The following FOXK2 variants were observed in gnomAD, a reference collection of about 807,000 sequenced individuals.
FOXK2 encodes the protein forkhead box protein K2.
A neutral mutation model predicts 53.3 loss-of-function variants in FOXK2; 24 were observed. The ratio of observed to expected loss-of-function variants is 0.45; its 90% CI spans 0.33 to 0.63. FOXK2 has a LOEUF of 0.63. Ranked by LOEUF, FOXK2 falls within the 30% of genes least tolerant of loss-of-function variation. The pLI is 0.03. For missense variants in FOXK2, 952 were observed against 910.5 expected (o/e 1.05, Z -0.59); for synonymous variants, 505 against 407.1 (o/e 1.24, Z -2.89).
At chr17:82,586,730 T>C (rs939398109) in intron 7 of FOXK2, among the ~76,000 whole-genome samples, 3 of 152,012 alleles carry the variant, frequency 2.0e-5, no homozygotes, top group Admixed American at 6.5e-5. Context: ...GGAGAAACCC[T>C]GTCTCTACTA....
intron 1 of FOXK2, among the ~76,000 whole-genome samples, chr17:82,551,094 G>T (rs932082234): frequency 6.6e-6 from 1 of 151,886 alleles, no homozygotes; most frequent in Non-Finnish European, 1.5e-5. Flanking sequence ...GAGGCGGGCG[G>T]ATCACAAGCT....
chr17:82,565,322 C>T (rs2144118452), intron 2 of FOXK2, among the ~76,000 whole-genome samples: 1 of 152,200 alleles, frequency 6.6e-6, no homozygotes, highest in South Asian at 2.1e-4. Flanking sequence ...ACAAATTGAA[C>T]TTCTTGAAAA....
chr17:82,554,726 G>T (rs1378619279), intron 1 of FOXK2, among the ~76,000 whole-genome samples: 1 of 148,898 alleles, frequency 6.7e-6, no homozygotes, highest in Non-Finnish European at 1.5e-5. Context: ...AAATCTTGCA[G>T]AATCCAGTGA....
intron 1 of FOXK2, 110 bp from the exon 2 acceptor site, chr17:82,563,244 G>A: frequency 1.0e-6 from 1 of 970,816 alleles, no homozygotes; most frequent in Non-Finnish European, 1.5e-6. Context: ...GAGCTTGGAA[G>A]TGTTGCATCC....
At chr17:82,582,970 G>T (rs755062327) in intron 5 of FOXK2, 36 bp downstream of exon 5, 1 of 1,456,478 alleles carries the variant, frequency 6.9e-7, no homozygotes, top group East Asian at 2.5e-5. Flanking sequence ...CTCACTTCGT[G>T]CTTACTAAAC....
chr17:82,528,677 G>T (rs2044442707), intron 1 of FOXK2, among the ~76,000 whole-genome samples: 1 of 152,200 alleles, frequency 6.6e-6, no homozygotes, highest in African/African-American at 2.4e-5. Flanking sequence ...AGTACCTCGT[G>T]CCAGAGCCAC....
Position 82,589,271 on chromosome 17 carries a change from G to A in FOXK2, c.1786+1999G>A, listed in dbSNP as rs541367843. On this transcript the variant is annotated intron_variant, in intron 8 of 8. Coordinates refer to ENST00000335255, the MANE Select transcript of FOXK2 (RefSeq NM_004514.4). ...CACGTGTGGACACACAGGCAGGAGC[G>A]GCCCAGATCCTCCCTTGTCTGTGGC... Among the ~76,000 whole-genome samples the A allele has an allele frequency of 9.9e-5, 15 of 152,248 alleles. No individual in the cohort carries two copies. In the East Asian group the frequency reaches 2.9e-3, roughly 29 times the overall value.
rs544791662 is a variant in FOXK2 at position 82,601,452 on chromosome 17, G to A, written c.1936G>A (p.Val646Met). The part of the protein sequence containing the change: ...DGEGIVIALS[V>M]DTPPAAVREK... Reference sequence around the variant, plus strand: ...CGAGGGCATCGTCATTGCCCTGAGCGTGGACACGCCACCGGCAGCCGTAAG... The same window carrying A: ...CGAGGGCATCGTCATTGCCCTGAGCATGGACACGCCACCGGCAGCCGTAAG... The change falls in exon 9 of 9, where the codon GTG becomes ATG. Residue 646 changes from valine to methionine, a missense_variant. Val to Met is a conservative substitution (Grantham distance 21). Around this residue, in one of 5 missense-constraint regions of FOXK2, gnomAD observed 551 missense variants for 385.1 expected, o/e 1.43. Transcript: ENST00000335255. The A allele has an allele frequency of 2.7e-5, 43 of 1,612,192 alleles. No homozygotes were observed. In the South Asian group the frequency reaches 3.7e-4, roughly 14 times the overall value.
intron 3 of FOXK2, among the ~76,000 whole-genome samples, chr17:82,570,104 C>G (rs755536482): frequency 3.9e-5 from 6 of 151,976 alleles, no homozygotes; most frequent in Non-Finnish European, 7.4e-5. Flanking sequence ...CGCCTGTAGT[C>G]CCAGCTACTC....
chr17:82,597,919 G>A lies in FOXK2; in HGVS notation c.1787-3384G>A, dbSNP rs2045333894. On this transcript the variant is annotated intron_variant, in intron 8 of 8. Transcript: ENST00000335255. ...CCCACCTTGACCTCCCCAAGTGCTGGGATTACAGGCGTGAGCCACCGCGCC... is the reference window on the plus strand; with the variant it reads ...CCCACCTTGACCTCCCCAAGTGCTGAGATTACAGGCGTGAGCCACCGCGCC... Among the ~76,000 whole-genome samples the A allele has an allele frequency of 1.3e-5, 2 of 152,036 alleles. 1 individual carries two copies. Among genetic ancestry groups the A allele is most frequent in the South Asian group, 4.1e-4 (2 of 4,822 alleles).
chr17:82,593,127 C>A (rs996013378), intron 8 of FOXK2, among the ~76,000 whole-genome samples: 1 of 149,148 alleles, frequency 6.7e-6, no homozygotes, highest in Non-Finnish European at 1.5e-5. Context: ...TGAAAGCAGA[C>A]CCCGTGAAGG....
chr17:82,589,478 A>C (rs888421367), intron 8 of FOXK2, among the ~76,000 whole-genome samples: 1 of 152,272 alleles, frequency 6.6e-6, no homozygotes, highest in Non-Finnish European at 1.5e-5. Flanking sequence ...TTATAAAACC[A>C]AAAATTAAAA....
intron 1 of FOXK2, among the ~76,000 whole-genome samples, chr17:82,550,754 C>T (rs1000514149): frequency 6.6e-6 from 1 of 152,074 alleles, no homozygotes; most frequent in Non-Finnish European, 1.5e-5. Context: ...ATCCGCCTGC[C>T]TCAGCCTCCC....
intron 1 of FOXK2, among the ~76,000 whole-genome samples, chr17:82,541,117 T>C (rs1567967834): frequency 6.6e-6 from 1 of 152,094 alleles, no homozygotes; most frequent in African/African-American, 2.4e-5. Flanking sequence ...GTTCTGCTGA[T>C]GGATTCACCT....
chr17:82,574,055 A>G (rs959256680), intron 4 of FOXK2, among the ~76,000 whole-genome samples: 7 of 152,218 alleles, frequency 4.6e-5, no homozygotes, highest in East Asian at 3.9e-4. Flanking sequence ...TCTGTCGTCT[A>G]TTGCAGGTGC....
intron 5 of FOXK2, among the ~76,000 whole-genome samples, chr17:82,583,409 C>T (rs576858657): frequency 4.0e-4 from 61 of 152,276 alleles, no homozygotes; most frequent in African/African-American, 1.2e-3. Context: ...TAGCCGGGCG[C>T]GGTGGCGCGC....
chr17:82,546,123 T>G (rs997907053), intron 1 of FOXK2, among the ~76,000 whole-genome samples: 12 of 144,998 alleles, frequency 8.3e-5, no homozygotes, highest in Non-Finnish European at 1.7e-4. Flanking sequence ...GGTTTTTTTT[T>G]TTTTTTTTTT....
rs1383103814 is a variant in FOXK2, at chr17:82,603,647, G to A, written c.*2148G>A. On this transcript the variant is annotated 3_prime_UTR_variant, in exon 9 of 9. Coordinates refer to ENST00000335255, the MANE Select transcript of FOXK2 (RefSeq NM_004514.4). ...CTGGAACGTGGACTTCACATGATAG[G>A]TCTGGATCTGTTTCTGTTGGGATCA... 2 of 152,038 alleles carry A rather than the reference G, an allele frequency of 1.3e-5. No individual in the cohort carries two copies. Among genetic ancestry groups the A allele is most frequent in the Admixed American group, 1.3e-4 (2 of 15,274 alleles). The allele number at this position is 152,038 out of a possible 1,614,324, so 9.4% of individuals were successfully genotyped here.
At chr17:82,563,045 C>G (rs4789794) in intron 1 of FOXK2, among the ~76,000 whole-genome samples, 41,404 of 151,894 alleles carry the variant, frequency 0.27, 5,901 homozygotes, top group East Asian at 0.39. Flanking sequence ...GGACCCAAGT[C>G]ATCGGCCTGC....
Sources: gnomAD v4.1 joint callset for allele counts (sites outside exome capture counted in the v4.1 genomes callset) on GRCh38, gnomAD v4.1.1 for gene constraint, gnomAD v4.1.1 regional missense constraint, MANE v1.5 for transcripts, NCBI Gene and HGNC (gene_info 2026-07-23, HGNC 2026-07-21) for gene names.